Variants in LRBA observed in about 807,000 individuals in gnomAD.
The protein encoded by LRBA is LPS responsive beige-like anchor protein.
In LRBA, 176 loss-of-function variants were observed where a neutral mutation model predicts 330.0. The ratio of observed to expected loss-of-function variants is 0.53; its 90% confidence interval spans 0.47 to 0.60. The LOEUF (loss-of-function observed/expected upper bound fraction) is 0.60, where lower values mean the gene tolerates loss of function less well. LRBA is among the 20% of genes least tolerant of loss of function. The pLI is 0.00. For synonymous variants in LRBA, 1,230 were observed against 1,193.0 expected (o/e 1.03, Z -0.64); for missense variants, 3,259 against 3,444.8 (o/e 0.95, Z 1.35).
chr4:150,558,362 T>G (rs752867272), intron 40 of LRBA, among the ~76,000 whole-genome samples: 4 of 152,214 alleles, frequency 2.6e-5, no homozygotes, highest in Non-Finnish European at 4.4e-5. Context: ...TTTAGCTATT[T>G]ATTTCAGTAT....
At chr4:150,617,119 AT>A (rs1177549811) in intron 37 of LRBA, among the ~76,000 whole-genome samples, 3 of 152,208 alleles carry the variant, frequency 2.0e-5, no homozygotes, top group Non-Finnish European at 2.9e-5. Context: ...TAAGAGAAAG[AT>A]TAAGAAAAAA....
rs115633087 is a variant in LRBA at position 150,945,556 on chromosome 4, T to C, written c.217-16491A>G. The stretch of plus-strand genomic sequence containing the variant: ...TTCAGCCTAGGTAGTTGCCAAAACA[T>C]ATTGCTTGGTTTCAGCTAAGTGCCC... On this transcript the variant is annotated intron_variant, in intron 2 of 56. Transcript: ENST00000651943. 7.0e-3 allele frequency among the ~76,000 whole-genome samples: 1,063 copies of C among 152,312 alleles called. 11 individuals carry two copies. The highest frequency in any genetic ancestry group is 0.013 in the South Asian group (65 of 4,826).
intron 40 of LRBA, among the ~76,000 whole-genome samples, chr4:150,544,828 C>T (rs1765689760): frequency 6.6e-6 from 1 of 152,190 alleles, no homozygotes; most frequent in Non-Finnish European, 1.5e-5. Context: ...TTAAAATACT[C>T]TCTTCCATCG....
intron 38 of LRBA, among the ~76,000 whole-genome samples, chr4:150,591,616 C>G (rs1181130450): frequency 6.6e-6 from 1 of 152,108 alleles, no homozygotes; most frequent in Non-Finnish European, 1.5e-5. Flanking sequence ...ACCCCGGGGG[C>G]AAACATAACA....
At chr4:150,677,734 T>C (rs1782677678) in intron 37 of LRBA, among the ~76,000 whole-genome samples, 1 of 150,928 alleles carries the variant, frequency 6.6e-6, no homozygotes, top group African/African-American at 2.4e-5. Context: ...AGCCCAGGAG[T>C]TCAAAGTTGC....
At chr4:150,693,693 G>C (rs1784361818) in intron 36 of LRBA, among the ~76,000 whole-genome samples, 1 of 152,004 alleles carries the variant, frequency 6.6e-6, no homozygotes, top group South Asian at 2.1e-4. Context: ...CCTTAACAGG[G>C]CAGAAAGGGG....
rs1216161091 is a variant in LRBA at position 150,658,587 on chromosome 4, C to G, written c.5921+24964G>C. ...TCCCTCTCCCTCTCCCTCTCCCTCTCCCTCTCCCTCTCCCTCTCCCTCTCC... is the reference window on the plus strand; with the variant it reads ...TCCCTCTCCCTCTCCCTCTCCCTCTGCCTCTCCCTCTCCCTCTCCCTCTCC... On this transcript the variant is annotated intron_variant, in intron 37 of 56. Transcript: ENST00000651943. Among the ~76,000 whole-genome samples the G allele has an allele frequency of 4.8e-3, 7 of 1,472 alleles. 3 individuals carry two copies. The highest frequency in any genetic ancestry group is 0.027 in the African/African-American group (7 of 260). 1.0% of individuals were successfully genotyped at this position (1,472 alleles called of 152,430 possible).
At chr4:150,280,874 C>T (rs1022382094) in intron 55 of LRBA, among the ~76,000 whole-genome samples, 5 of 152,146 alleles carry the variant, frequency 3.3e-5, no homozygotes, top group Admixed American at 3.3e-4. Flanking sequence ...TAGGCAAGCT[C>T]GCTTTAATCA....
chr4:150,524,041 T>C (rs1186158899), intron 40 of LRBA, among the ~76,000 whole-genome samples: 2 of 152,212 alleles, frequency 1.3e-5, no homozygotes, highest in Non-Finnish European at 2.9e-5. Context: ...AGTTTTGCTC[T>C]GGCAGATGGG....
intron 40 of LRBA, among the ~76,000 whole-genome samples, chr4:150,561,850 T>C (rs887588528): frequency 1.3e-5 from 2 of 152,164 alleles, no homozygotes; most frequent in African/African-American, 4.8e-5. Flanking sequence ...TAGCAAATCA[T>C]TGCAGGAATC....
chr4:150,776,023 G>C (rs1737284319), intron 34 of LRBA, among the ~76,000 whole-genome samples: 1 of 152,116 alleles, frequency 6.6e-6, no homozygotes, highest in African/African-American at 2.4e-5. Flanking sequence ...TAAATACTAA[G>C]TATGGTTTTA....
chr4:150,786,025 A>C (rs532025599), intron 34 of LRBA, among the ~76,000 whole-genome samples: 11 of 152,186 alleles, frequency 7.2e-5, no homozygotes, highest in Admixed American at 2.6e-4. Context: ...TCTACATGGA[A>C]ATGAAGGCCA....
intron 47 of LRBA, among the ~76,000 whole-genome samples, chr4:150,389,426 G>A (rs1462455917): frequency 6.6e-6 from 1 of 151,912 alleles, no homozygotes; most frequent in African/African-American, 2.4e-5. Flanking sequence ...GTTTTGCTTT[G>A]TTATGACCTG....
chr4:150,686,964 C>T (rs897794906), intron 36 of LRBA, among the ~76,000 whole-genome samples: 4 of 152,024 alleles, frequency 2.6e-5, no homozygotes, highest in African/African-American at 9.7e-5. Context: ...TTTAATGGAT[C>T]CTTCTTTACA....
intron 51 of LRBA, among the ~76,000 whole-genome samples, chr4:150,311,911 T>G (rs1731126422): frequency 6.6e-6 from 1 of 152,198 alleles, no homozygotes; most frequent in South Asian, 2.1e-4. Context: ...TGATACAATT[T>G]TTTTTTAAAT....
chr4:150,971,515 CA>C (rs1167063158), intron 2 of LRBA, among the ~76,000 whole-genome samples: 1 of 152,062 alleles, frequency 6.6e-6, no homozygotes, highest in Non-Finnish European at 1.5e-5. Context: ...GATAAAAGTT[CA>C]ATAATTGCAA....
chr4:150,369,558 G>C (rs1047024444), intron 47 of LRBA, among the ~76,000 whole-genome samples: 100 of 150,984 alleles, frequency 6.6e-4, no homozygotes, highest in African/African-American at 2.4e-3. Flanking sequence ...TTTTTTTTTA[G>C]ACCAAACACC....
chr4:150,867,991 A>G lies in LRBA; in HGVS notation c.2574-128T>C, dbSNP rs546513070. ...GAAAAAGAAACACATTTAGTTATAC[A>G]TTAAGAACAATTCGACAATGTGGTA... is the stretch of plus-strand genomic sequence containing the variant. On this transcript the variant is annotated intron_variant, in intron 21 of 56. Coordinates refer to ENST00000651943, the MANE Select transcript of LRBA (RefSeq NM_001364905.1). The G allele has an allele frequency of 3.1e-5, 28 of 913,644 alleles. No individual in the cohort carries two copies. In the African/African-American group the frequency reaches 4.0e-4, roughly 13 times the overall value. 56.6% of individuals were successfully genotyped at this position (913,644 alleles called of 1,614,324 possible).
chr4:150,547,223 T>C (rs1160591096), intron 40 of LRBA, among the ~76,000 whole-genome samples: 5 of 152,156 alleles, frequency 3.3e-5, no homozygotes, highest in African/African-American at 4.8e-5. Context: ...TTTAGAATTA[T>C]GCAAGCAGAT....
Sources: allele counts gnomAD v4.1 joint callset (sites outside exome capture counted in the v4.1 genomes callset), GRCh38; gene constraint gnomAD v4.1.1; transcripts MANE v1.5; gene names NCBI Gene and HGNC (gene_info 2026-07-23, HGNC 2026-07-21).